The following DHRSX variants were observed in gnomAD, a reference collection of about 807,000 sequenced individuals.
The protein encoded by DHRSX is polyprenol dehydrogenase.
Under a neutral mutation model 34.0 loss-of-function variants are expected in DHRSX, and 31 were observed. The observed-to-expected ratio is 0.91, with a 90% CI of 0.69 to 1.23. The LOEUF is 1.23. Among genes scored for constraint, DHRSX ranks in the 50% most tolerant of loss-of-function variants. The probability of loss-of-function intolerance (pLI) is 0.00; values close to 1 mark genes in which losing one functional copy is unlikely to be tolerated. For missense variants in DHRSX, 414 were observed against 428.1 expected (o/e 0.97, Z 0.29); for synonymous variants, 201 against 183.8 (o/e 1.09, Z -0.76).
intron 1 of DHRSX, among the ~76,000 whole-genome samples, chrX:2,454,073 A>G (rs756251365): frequency 2.2e-3 from 340 of 152,160 alleles, no homozygotes; most frequent in Non-Finnish European, 3.4e-3. Context: ...TTCTATAAAA[A>G]TGACTTGCAT....
intron 6 of DHRSX, 118 bp from the exon 7 acceptor site, chrX:2,221,347 G>T: frequency 2.8e-6 from 3 of 1,063,702 alleles, no homozygotes; most frequent in East Asian, 2.4e-5. Flanking sequence ...GCTGCACTGA[G>T]AAATGTATGC....
chrX:2,454,689 C>T (rs2044271595), intron 1 of DHRSX, among the ~76,000 whole-genome samples: 1 of 152,112 alleles, frequency 6.6e-6, no homozygotes, highest in Admixed American at 6.6e-5. Flanking sequence ...GAAAGGCCAA[C>T]ACCATTCTAA....
chrX:2,362,404 A>C (rs1326757846), intron 3 of DHRSX, among the ~76,000 whole-genome samples: 1 of 152,100 alleles, frequency 6.6e-6, no homozygotes, highest in Non-Finnish European at 1.5e-5. Context: ...GGGTTCAAGC[A>C]ATTCTTCTGC....
chrX:2,367,180 C>CTA (rs2043003784), intron 3 of DHRSX, among the ~76,000 whole-genome samples: 1 of 152,110 alleles, frequency 6.6e-6, no homozygotes. Flanking sequence ...TGGCTCACAC[C>CTA]TATAATCCCA....
At chrX:2,359,332 A>G (rs1199933344) in intron 3 of DHRSX, among the ~76,000 whole-genome samples, 1 of 152,226 alleles carries the variant, frequency 6.6e-6, no homozygotes, top group African/African-American at 2.4e-5. Flanking sequence ...TCACAATAGC[A>G]AAGACATGGG....
intron 3 of DHRSX, among the ~76,000 whole-genome samples, 196 bp from the exon 4 acceptor site, chrX:2,291,799 T>C (rs1241094362): frequency 1.3e-5 from 2 of 152,014 alleles, no homozygotes; most frequent in Non-Finnish European, 2.9e-5. Context: ...CTGCAGCCTC[T>C]GCTTCCTGGG....
chrX:2,297,738 G>GT (rs752469093), intron 3 of DHRSX, among the ~76,000 whole-genome samples: 96 of 144,874 alleles, frequency 6.6e-4, no homozygotes, highest in East Asian at 3.6e-3. Context: ...GGAGTGCGGA[G>GT]TTTTTTTTGT....
At chrX:2,412,145 C>T (rs1297296951) in intron 2 of DHRSX, among the ~76,000 whole-genome samples, 1 of 152,278 alleles carries the variant, frequency 6.6e-6, no homozygotes, top group Non-Finnish European at 1.5e-5. Flanking sequence ...GCAGAAACAC[C>T]GCACACGTCC....
At chrX:2,440,551 G>A (rs1268707223) in intron 1 of DHRSX, among the ~76,000 whole-genome samples, 9 of 144,390 alleles carry the variant, frequency 6.2e-5, no homozygotes, top group African/African-American at 1.6e-4. Context: ...TTTTTGAAAC[G>A]GAGTCTCGCT....
chrX:2,267,038 G>T, intron 4 of DHRSX, 91 bp from the exon 5 acceptor site: 1 of 1,310,444 alleles, frequency 7.6e-7, no homozygotes, highest in South Asian at 1.2e-5. Flanking sequence ...AAATGGCCCA[G>T]GACATCGGAG....
intron 1 of DHRSX, among the ~76,000 whole-genome samples, chrX:2,452,344 G>A (rs754337171): frequency 1.3e-5 from 2 of 150,824 alleles, no homozygotes; most frequent in East Asian, 2.0e-4. Context: ...CACTGAAGAC[G>A]TTCCCTAGGC....
chrX:2,297,030 C>CAGAT (rs2041943043), intron 3 of DHRSX, among the ~76,000 whole-genome samples: 1 of 152,050 alleles, frequency 6.6e-6, no homozygotes, highest in African/African-American at 2.4e-5. Flanking sequence ...TAGACCCAGG[C>CAGAT]AGATAGGAAT....
At chrX:2,362,097 G>A (rs567370405) in intron 3 of DHRSX, among the ~76,000 whole-genome samples, 1 of 152,136 alleles carries the variant, frequency 6.6e-6, no homozygotes, top group African/African-American at 2.4e-5. Flanking sequence ...TTGGAAAAGA[G>A]GCTACAGGCT....
intron 3 of DHRSX, among the ~76,000 whole-genome samples, chrX:2,328,747 G>A (rs900102998): frequency 1.3e-5 from 2 of 152,214 alleles, no homozygotes; most frequent in African/African-American, 4.8e-5. Context: ...CCAGCCTGTA[G>A]TATTTTGTCA....
chrX:2,229,670 T>C (rs2015821510), intron 6 of DHRSX, among the ~76,000 whole-genome samples: 2 of 152,046 alleles, frequency 1.3e-5, no homozygotes, highest in Admixed American at 1.3e-4. Context: ...TATGTATATG[T>C]ATATGTATGT....
At chrX:2,320,485 G>A (rs1042253270) in intron 3 of DHRSX, among the ~76,000 whole-genome samples, 3 of 144,864 alleles carry the variant, frequency 2.1e-5, no homozygotes, top group Non-Finnish European at 3.0e-5. Context: ...TAGTGGAGGC[G>A]GGGTTTCGCC....
At chrX:2,226,588 C>T (rs1358802098) in intron 6 of DHRSX, among the ~76,000 whole-genome samples, 2 of 152,058 alleles carry the variant, frequency 1.3e-5, no homozygotes, top group African/African-American at 2.4e-5. Context: ...ATCGCGAGGT[C>T]AGGAGATCAA....
rs187629364 is a variant in DHRSX, at chrX:2,224,547, G to C, written c.805-3318C>G. 6.6e-5 allele frequency among the ~76,000 whole-genome samples: 10 copies of C among 152,164 alleles called. No individual in the cohort carries two copies. The East Asian group carries it at 1.9e-3, about 29-fold the overall frequency. On this transcript the variant is annotated intron_variant, in intron 6 of 6. Transcript: ENST00000334651. ...GTGCTGAAAATGTAGGTATTTCTGG[G>C]GACACAGAGATGACGACGTGATGAA... is the stretch of plus-strand genomic sequence containing the variant.
chrX:2,270,384 G>A (rs1321917072), intron 4 of DHRSX, among the ~76,000 whole-genome samples: 1 of 152,198 alleles, frequency 6.6e-6, no homozygotes, highest in African/African-American at 2.4e-5. Flanking sequence ...GACAGTTAAT[G>A]AGGACAGCCG....
Sources: allele counts gnomAD v4.1 joint callset (sites outside exome capture counted in the v4.1 genomes callset), GRCh38; gene constraint gnomAD v4.1.1; transcripts MANE v1.5; gene names NCBI Gene and HGNC (gene_info 2026-07-23, HGNC 2026-07-21).